The following MGRN1 variants were observed in gnomAD, a reference collection of about 807,000 sequenced individuals.
The protein encoded by MGRN1 is mahogunin ring finger 1.
A neutral mutation model predicts 69.2 loss-of-function variants in MGRN1; 29 were observed. The ratio of observed to expected loss-of-function variants is 0.42; its 90% CI spans 0.31 to 0.57. The LOEUF (loss-of-function observed/expected upper bound fraction) is 0.57, where lower values mean the gene tolerates loss of function less well. Among genes scored for constraint, MGRN1 ranks in the 20% least tolerant of loss-of-function variants. The pLI, the probability that MGRN1 is intolerant of heterozygous loss-of-function variation, is 0.15. For synonymous variants in MGRN1, 470 were observed against 344.2 expected, an observed-to-expected ratio of 1.37 and a Z score of -4.04; for missense variants, 998 against 796.2, an observed-to-expected ratio of 1.25 and a Z score of -3.05.
chr16:4,687,352 C>A (rs752846785), intron 16 of MGRN1: 1 of 958,088 alleles, frequency 1.0e-6, no homozygotes, highest in East Asian at 1.2e-4. Flanking sequence ...AATTCAAGAT[C>A]AGTGTAGAAA....
intron 1 of MGRN1, chr16:4,650,073 C>T (rs1400137703): frequency 8.7e-6 from 2 of 229,170 alleles, no homozygotes; most frequent in Non-Finnish European, 8.5e-6. Flanking sequence ...GAGGCTGAGG[C>T]GGGCGGATTA....
chr16:4,664,665 T>C (rs780577899), intron 5 of MGRN1, 44 bp from the exon 6 acceptor site: 2 of 1,605,644 alleles, frequency 1.2e-6, no homozygotes, highest in Middle Eastern at 1.7e-4. Flanking sequence ...GCTTCCAGGC[T>C]TGGCTGTGTG....
chr16:4,642,690 C>T lies in MGRN1; in HGVS notation c.89-7675C>T, dbSNP rs543032436. 1.2e-3 allele frequency among the ~76,000 whole-genome samples: 182 copies of T among 151,528 alleles called. 1 individual carries two copies. The highest frequency in any genetic ancestry group is 6.9e-3 in the Middle Eastern group (2 of 290). On this transcript the variant is annotated intron_variant, in intron 1 of 16. Coordinates refer to ENST00000262370, the MANE Select transcript of MGRN1 (RefSeq NM_015246.4). ...GGCCAGGCTGGTCTTCAACTCCTGACGGCAGACCTCAAGTGATTTGCCTGC... is the reference window on the plus strand; with the variant it reads ...GGCCAGGCTGGTCTTCAACTCCTGATGGCAGACCTCAAGTGATTTGCCTGC...
intron 4 of MGRN1, among the ~76,000 whole-genome samples, chr16:4,655,340 C>T (rs1205125206): frequency 6.6e-6 from 1 of 152,214 alleles, no homozygotes; most frequent in African/African-American, 2.4e-5. Flanking sequence ...GAGAGGGTGC[C>T]CTGCCAGCCC....
rs188689390 is a variant in MGRN1, at chr16:4,665,085, C to T, written c.629-17C>T. 3.1e-6 allele frequency: 5 copies of T among 1,614,028 alleles called. No individual in the cohort carries two copies. Among genetic ancestry groups the T allele is most frequent in the Non-Finnish European group, 4.2e-6 (5 of 1,180,034 alleles). ...CAGGCCCCGACTCTGACTACTCTGC[C>T]CCTCTCTCCCCAGCAGTGGTGGAAG... On this transcript the variant is annotated splice_polypyrimidine_tract_variant and intron_variant, in intron 6 of 16. Coordinates refer to ENST00000262370, the MANE Select transcript of MGRN1 (RefSeq NM_015246.4).
chr16:4,679,347 G>T (rs909836078), intron 11 of MGRN1, among the ~76,000 whole-genome samples: 3 of 152,144 alleles, frequency 2.0e-5, no homozygotes, highest in Admixed American at 2.0e-4. Flanking sequence ...GGCGGCCGGG[G>T]TCCGAGGTGT....
rs748915359 is a variant in MGRN1 at position 4,668,298 on chromosome 16, A to C, written c.712A>C (p.Lys238Gln). The stretch of plus-strand genomic sequence containing the variant: ...CGGCAGCTTCTCTGTGAAGCCTTTA[A>C]AGCAGAAGCAAATTGTAAGTCATCA... ...MDGSFSVKPLKQKQIVDRVSY... is the reference protein window; with the variant it reads ...MDGSFSVKPLQQKQIVDRVSY... Residue 238 changes from lysine to glutamine, a missense_variant, in exon 8 of 17, where the codon AAG (lysine) becomes CAG (glutamine). By Grantham distance (53) the Lys-to-Gln change is moderately conservative. Transcript: ENST00000262370. 6.2e-7 allele frequency: 1 copy of C among 1,613,988 alleles called. No individual in the cohort carries two copies. The highest frequency in any genetic ancestry group is 1.7e-5 in the Admixed American group (1 of 60,004).
rs1596306215 is a variant in MGRN1 at position 4,671,295 on chromosome 16, C to G, written c.727-96C>G. On this transcript the variant is annotated intron_variant, in intron 8 of 16. Coordinates refer to ENST00000262370, the MANE Select transcript of MGRN1 (RefSeq NM_015246.4). ...GCTGGACTGACCCCTGGTATGGAAGCCTGGTAAGTTGGAGGCAGGGCTAGG... is the reference window on the plus strand; with the variant it reads ...GCTGGACTGACCCCTGGTATGGAAGGCTGGTAAGTTGGAGGCAGGGCTAGG... 7 of 1,194,260 alleles carry G rather than the reference C, an allele frequency of 5.9e-6. No homozygotes were observed. The East Asian group carries it at 9.4e-5, about 16-fold the overall frequency. The allele number at this position is 1,194,260 out of a possible 1,614,324, so 74.0% of individuals were successfully genotyped here. A position where few individuals can be genotyped will look rare whatever the true frequency, so the allele number is the denominator to read the frequency against.
chr16:4,670,993 C>A (rs1374115401), intron 8 of MGRN1, among the ~76,000 whole-genome samples: 1 of 152,210 alleles, frequency 6.6e-6, no homozygotes, highest in Non-Finnish European at 1.5e-5. Flanking sequence ...GGCTTCATGC[C>A]TTTTGGAAGG....
intron 11 of MGRN1, among the ~76,000 whole-genome samples, chr16:4,679,780 T>TG (rs1567232807): frequency 1.3e-5 from 2 of 152,032 alleles, no homozygotes; most frequent in African/African-American, 4.8e-5. Context: ...GGACAGGCAA[T>TG]GGGGATGAGA....
intron 8 of MGRN1, among the ~76,000 whole-genome samples, chr16:4,668,962 TCATA>T (rs368447197): frequency 2.4e-4 from 36 of 151,662 alleles, no homozygotes; most frequent in African/African-American, 6.8e-4. Context: ...ATAGACACAC[TCATA>T]CAATCACTCA....
At chr16:4,625,601 G>T (rs1385239172) in intron 1 of MGRN1, among the ~76,000 whole-genome samples, 2 of 152,166 alleles carry the variant, frequency 1.3e-5, no homozygotes, top group Non-Finnish European at 2.9e-5. Context: ...CAGGGTCCTT[G>T]CTGAGAGGAC....
At chr16:4,653,022 TTGAC>T (rs1346793605) in intron 4 of MGRN1, among the ~76,000 whole-genome samples, 198 bp downstream of exon 4, 58 of 152,328 alleles carry the variant, frequency 3.8e-4, no homozygotes, top group African/African-American at 1.3e-3. Flanking sequence ...CTGGGGTCCT[TTGAC>T]TGGTTTCAGT....
intron 8 of MGRN1, 185 bp from the exon 9 acceptor site, chr16:4,671,206 C>T (rs2078929647): frequency 1.6e-6 from 1 of 611,784 alleles, no homozygotes; most frequent in Non-Finnish European, 2.9e-6. Flanking sequence ...GTTCCAGGTG[C>T]TGCTGGTTGG....
chr16:4,633,345 C>A (rs543510293), intron 1 of MGRN1, among the ~76,000 whole-genome samples: 2 of 149,514 alleles, frequency 1.3e-5, no homozygotes, highest in Non-Finnish European at 3.0e-5. Flanking sequence ...GCTGAGATCA[C>A]GCCACTGCAT....
chr16:4,676,466 G>A (rs576319077), intron 10 of MGRN1, among the ~76,000 whole-genome samples: 1 of 152,220 alleles, frequency 6.6e-6, no homozygotes. Flanking sequence ...TGTGGGGTCA[G>A]TGGGTCGGGG....
intron 4 of MGRN1, among the ~76,000 whole-genome samples, chr16:4,655,627 C>A (rs2078519932): frequency 6.6e-6 from 1 of 152,270 alleles, no homozygotes; most frequent in South Asian, 2.1e-4. Context: ...GCAGGCATCA[C>A]AGAGCAGGAA....
chr16:4,679,811 A>T (rs1372149814), intron 11 of MGRN1, among the ~76,000 whole-genome samples: 4 of 152,058 alleles, frequency 2.6e-5, no homozygotes, highest in African/African-American at 9.7e-5. Context: ...CAGCCTCCCC[A>T]CTGCAGCAGC....
At chr16:4,650,596 G>A in intron 2 of MGRN1, 113 bp downstream of exon 2, 1 of 809,938 alleles carries the variant, frequency 1.2e-6, no homozygotes, top group Non-Finnish European at 1.9e-6. Context: ...CCTAAAGGGG[G>A]CAGAGCTCCT....
Sources: gnomAD v4.1 joint callset for allele counts (sites outside exome capture counted in the v4.1 genomes callset) on GRCh38, gnomAD v4.1.1 for gene constraint, MANE v1.5 for transcripts, NCBI Gene and HGNC (gene_info 2026-07-23, HGNC 2026-07-21) for gene names.